Variants in CDH12 observed in about 807,000 individuals in gnomAD.
CDH12 encodes the protein cadherin-12.
A neutral mutation model predicts 74.1 loss-of-function variants in CDH12; 41 were observed. The observed-to-expected ratio is 0.55, with a 90% CI of 0.43 to 0.72. CDH12 has a LOEUF of 0.72. Ranked by LOEUF, CDH12 falls within the 30% of genes least tolerant of loss-of-function variation. CDH12 has a pLI of 0.00. For missense variants in CDH12, 945 were observed against 977.2 expected, an observed-to-expected ratio of 0.97 and a Z score of 0.44; for synonymous variants, 399 against 355.0, an observed-to-expected ratio of 1.12 and a Z score of -1.39.
At chr5:22,642,842 A>G (rs1200625446) in intron 1 of CDH12, among the ~76,000 whole-genome samples, 2 of 152,126 alleles carry the variant, frequency 1.3e-5, no homozygotes, top group African/African-American at 2.4e-5. Context: ...TCTACATTGA[A>G]AGGGATAATT....
At chr5:21,827,277 T>G (rs1223247562) in intron 8 of CDH12, among the ~76,000 whole-genome samples, 1 of 152,174 alleles carries the variant, frequency 6.6e-6, no homozygotes, top group East Asian at 1.9e-4. Context: ...AAATTCTTAA[T>G]TTTAGCTAGA....
intron 6 of CDH12, among the ~76,000 whole-genome samples, chr5:21,919,220 C>A (rs1395462249): frequency 2.0e-5 from 3 of 152,080 alleles, no homozygotes; most frequent in Non-Finnish European, 4.4e-5. Context: ...CTTTCATTTA[C>A]AAAATAACAA....
At chr5:21,931,612 T>C (rs1270522319) in intron 6 of CDH12, among the ~76,000 whole-genome samples, 3 of 152,178 alleles carry the variant, frequency 2.0e-5, no homozygotes. Flanking sequence ...AATGAGAAGC[T>C]ATGCATATTA....
In CDH12 at chr5:22,747,627, GAAGAA is replaced by G. The variant is rs1389612301; in HGVS notation, c.-523+105426_-523+105430del. ...GCTGCCAAAAAAAAAAAAAAAAAGA[GAAGAA>G]AAGAAAAAAAAGTAGTAAATAATGA... On this transcript the variant is annotated intron_variant, in intron 1 of 14. Coordinates refer to ENST00000382254, the MANE Select transcript of CDH12 (RefSeq NM_004061.5). 4.3e-5 allele frequency among the ~76,000 whole-genome samples: 6 copies of G among 139,414 alleles called. No homozygotes were observed. The East Asian group carries it at 1.3e-3, about 29-fold the overall frequency. 91.5% of individuals were successfully genotyped at this position (139,414 alleles called of 152,430 possible).
chr5:22,356,639 G>A (rs1164240294), intron 3 of CDH12, among the ~76,000 whole-genome samples: 9 of 152,110 alleles, frequency 5.9e-5, no homozygotes, highest in Admixed American at 5.9e-4. Context: ...ATTTGCATAT[G>A]TCAGTATATT....
intron 3 of CDH12, among the ~76,000 whole-genome samples, chr5:22,343,612 G>T (rs1294661151): frequency 2.0e-5 from 3 of 152,008 alleles, no homozygotes; most frequent in South Asian, 2.1e-4. Flanking sequence ...GAGAGATGGG[G>T]TTTCACTGTG....
intron 1 of CDH12, among the ~76,000 whole-genome samples, chr5:22,622,445 C>T (rs1182338239): frequency 6.6e-6 from 1 of 152,088 alleles, no homozygotes; most frequent in East Asian, 1.9e-4. Flanking sequence ...TCCTGATTCC[C>T]AGTGACTCCC....
At chr5:22,102,081 G>T (rs1044191109) in intron 4 of CDH12, among the ~76,000 whole-genome samples, 69 of 152,276 alleles carry the variant, frequency 4.5e-4, no homozygotes, top group African/African-American at 1.5e-3. Context: ...GAGAGGTGAA[G>T]TGAAAATATA....
In CDH12 at chr5:21,755,606, T is replaced by C. The variant is rs765722528; in HGVS notation, c.1870A>G (p.Ile624Val). Residue 624 changes from isoleucine (I) to valine (V), a missense_variant, in exon 14 of 15, where the codon ATT becomes GTT. Ile to Val is a conservative substitution (Grantham distance 29). This residue lies in a region of CDH12 where 791 missense variants were observed against 792.8 expected (regional missense o/e 1.00). Transcript: ENST00000382254. Reference sequence around the variant, plus strand: ...TGAAACCAACCTAAGAGTATAACAATGCATAGTAGAATTGCAATCAACGCC... The same window carrying C: ...TGAAACCAACCTAAGAGTATAACAACGCATAGTAGAATTGCAATCAACGCC... Reference protein sequence around the residue: ...TGALIAILLCIVILLAIVVLY... With the variant: ...TGALIAILLCVVILLAIVVLY... The C allele has an allele frequency of 6.2e-7, 1 of 1,613,906 alleles. No homozygotes were observed.
rs145327200 is a variant in CDH12 at position 21,803,411 on chromosome 5, G to T, written c.1003-991C>A. ...ACACATCATCAATACACATTACCAA[G>T]AATTGTGGCTTTATATATTAATATA... On this transcript the variant is annotated intron_variant, in intron 9 of 14. Transcript: ENST00000382254. Among the ~76,000 whole-genome samples, 404 of 152,064 alleles carry T rather than the reference G, an allele frequency of 2.7e-3. 1 individual carries two copies. The highest frequency in any genetic ancestry group is 9.5e-3 in the African/African-American group (395 of 41,508).
At chr5:22,089,403 G>C (rs1051343895) in intron 4 of CDH12, among the ~76,000 whole-genome samples, 6 of 152,052 alleles carry the variant, frequency 3.9e-5, no homozygotes, top group African/African-American at 1.4e-4. Flanking sequence ...CCTAGACAGT[G>C]GACTTGGCAA....
At position 22,128,392 on chromosome 5, in the gene CDH12, TAAGAGA is replaced by T. The variant is rs565335611; in HGVS notation, c.-186-49536_-186-49531del. On this transcript the variant is annotated intron_variant, in intron 4 of 14. Coordinates refer to ENST00000382254, the MANE Select transcript of CDH12 (RefSeq NM_004061.5). ...TTGTCATCCAAAGAAAATATAATCC[TAAGAGA>T]AAAAGTCCAGCTAGTTTTTTTTTTC... is the stretch of plus-strand genomic sequence containing the variant. Among the ~76,000 whole-genome samples, 1,386 of 151,750 alleles carry T rather than the reference TAAGAGA, an allele frequency of 9.1e-3. 9 individuals are homozygous for T. Among genetic ancestry groups the T allele is most frequent in the Non-Finnish European group, 0.01 (685 of 67,840 alleles).
intron 2 of CDH12, among the ~76,000 whole-genome samples, chr5:22,449,043 G>C (rs1744941405): frequency 6.6e-6 from 1 of 151,640 alleles, no homozygotes. Flanking sequence ...AGGGAACAAA[G>C]ACCTTCAGTT....
intron 8 of CDH12, among the ~76,000 whole-genome samples, chr5:21,819,016 T>C (rs1480193512): frequency 6.6e-6 from 1 of 152,034 alleles, no homozygotes; most frequent in Non-Finnish European, 1.5e-5. Flanking sequence ...TGCTTAATGT[T>C]TGCTGAACTT....
In CDH12 at chr5:21,840,110, GA is replaced by G. The variant is rs530090988; in HGVS notation, c.814+2050del. ...ATAGCATCAATATCATCTGATACAT[GA>G]AAATATTTGGAAATGATTCAACACA... On this transcript the variant is annotated intron_variant, in intron 8 of 14. Coordinates refer to ENST00000382254, the MANE Select transcript of CDH12 (RefSeq NM_004061.5). Among the ~76,000 whole-genome samples, 682 of 152,166 alleles carry G rather than the reference GA, an allele frequency of 4.5e-3. 4 individuals are homozygous for G. Among genetic ancestry groups the G allele is most frequent in the African/African-American group, 0.015 (642 of 41,518 alleles).
chr5:22,841,133 A>C (rs909067378), intron 1 of CDH12, among the ~76,000 whole-genome samples: 2 of 152,190 alleles, frequency 1.3e-5, no homozygotes, highest in Non-Finnish European at 2.9e-5. Context: ...TCTTGAGGCT[A>C]ATCTTTGGAG....
At chr5:22,405,236 C>G (rs1155443) in intron 3 of CDH12, 21 bp downstream of exon 3, 4 of 655,944 alleles carry the variant, frequency 6.1e-6, no homozygotes, top group Non-Finnish European at 7.6e-6. Flanking sequence ...AAGAAAAAAT[C>G]ATAACAATCA....
At chr5:22,088,132 G>A (rs1200237828) in intron 4 of CDH12, among the ~76,000 whole-genome samples, 1 of 152,150 alleles carries the variant, frequency 6.6e-6, no homozygotes, top group Non-Finnish European at 1.5e-5. Flanking sequence ...AGAGTAAAGA[G>A]TTATGCTGAC....
chr5:21,932,725 C>T (rs1273857860), intron 6 of CDH12, among the ~76,000 whole-genome samples: 1 of 151,694 alleles, frequency 6.6e-6, no homozygotes, highest in African/African-American at 2.4e-5. Context: ...ATGACAAAAC[C>T]CCATCTGTAC....
Sources: gnomAD v4.1 joint callset for allele counts (sites outside exome capture counted in the v4.1 genomes callset) on GRCh38, gnomAD v4.1.1 for gene constraint, gnomAD v4.1.1 regional missense constraint, MANE v1.5 for transcripts, NCBI Gene and HGNC (gene_info 2026-07-23, HGNC 2026-07-21) for gene names.